The following CCR2 variants were observed in gnomAD, a reference collection of about 807,000 sequenced individuals.
The protein encoded by CCR2 is C-C chemokine receptor type 2.
For synonymous variants in CCR2, 183 were observed against 177.1 expected (o/e 1.03, Z -0.27); for missense variants, 408 against 440.0 (o/e 0.93, Z 0.65).
At chr3:46,356,934 A>G (rs1398971093) in intron 1 of CCR2, among the ~76,000 whole-genome samples, 1 of 145,074 alleles carries the variant, frequency 6.9e-6, no homozygotes, top group East Asian at 2.0e-4. Flanking sequence ...AAAAAAAAAA[A>G]GAAGGCAGAA....
In CCR2 at chr3:46,360,322, G is replaced by A. The variant is rs1701530118; in HGVS notation, c.*1712G>A. On this transcript the variant is annotated 3_prime_UTR_variant, in exon 2 of 2. Coordinates refer to ENST00000445132, the MANE Select transcript of CCR2 (RefSeq NM_001123396.4). ...GTGCATGCAGCATCTAAGTAATGAT[G>A]TCGTTTGAATCACAGTATACGCTCC... 5.8e-6 allele frequency: 1 copy of A among 172,492 alleles called. No individual in the cohort carries two copies. Among genetic ancestry groups the A allele is most frequent in the African/African-American group, 2.4e-5 (1 of 41,518 alleles). 10.7% of individuals were successfully genotyped at this position (172,492 alleles called of 1,614,324 possible).
rs200491743 is a variant in CCR2, at chr3:46,358,273, T to C, written c.746T>C (p.Met249Thr). ...GCAGTGAGAGTCATCTTCACCATCA[T>C]GATTGTTTACTTTCTCTTCTGGACT... Reference protein sequence around the residue: ...HRAVRVIFTIMIVYFLFWTPY... With the variant: ...HRAVRVIFTITIVYFLFWTPY... The change falls in exon 2 of 2, where the codon ATG (methionine) becomes ACG (threonine). Residue 249 changes from methionine (M) to threonine (T), a missense_variant. Transcript: ENST00000445132. The C allele has an allele frequency of 4.3e-6, 7 of 1,614,058 alleles. No homozygotes were observed. Among genetic ancestry groups the C allele is most frequent in the Non-Finnish European group, 5.1e-6 (6 of 1,180,024 alleles).
In CCR2 at chr3:46,358,113, C is replaced by T. The variant is rs1322904635; in HGVS notation, c.586C>T (p.Arg196Ter). 2.5e-6 allele frequency: 4 copies of T among 1,613,964 alleles called. No homozygotes were observed. The highest frequency in any genetic ancestry group is 1.7e-5 in the Admixed American group (1 of 59,990). ...SVYVCGPYFP[R>*]GWNNFHTIMR... ...TTATGTCTGTGGCCCTTATTTTCCA[C>T]GAGGATGGAATAATTTCCACACAAT... The change falls in exon 2 of 2, where the codon CGA becomes TGA. Residue 196 changes from arginine (R) to a stop codon, truncating the protein, a stop_gained. Transcript: ENST00000445132. LOFTEE classifies it low-confidence loss of function (END_TRUNC).
At position 46,357,974 on chromosome 3, in the gene CCR2, A is replaced by C; in HGVS notation, c.447A>C (p.Leu149Phe). Residue 149 changes from leucine (L) to phenylalanine (F), a missense_variant, in exon 2 of 2, where the codon TTA (leucine) becomes TTC (phenylalanine). Transcript: ENST00000445132. The stretch of plus-strand genomic sequence containing the variant: ...CTATTGTCCATGCTGTGTTTGCTTT[A>C]AAAGCCAGGACGGTCACCTTTGGGG... Reference protein sequence around the residue: ...YLAIVHAVFALKARTVTFGVV... With the variant: ...YLAIVHAVFAFKARTVTFGVV... 6.2e-7 allele frequency: 1 copy of C among 1,614,194 alleles called. No homozygotes were observed. The highest frequency in any genetic ancestry group is 8.5e-7 in the Non-Finnish European group (1 of 1,180,016).
Position 46,358,015 on chromosome 3 carries a change from T to A in CCR2, c.488T>A (p.Ile163Asn), listed in dbSNP as rs199838068. 1.2e-6 allele frequency: 2 copies of A among 1,614,126 alleles called. No homozygotes were observed. The highest frequency in any genetic ancestry group is 2.2e-5 in the East Asian group (1 of 44,902). ...ACCTTTGGGGTGGTGACAAGTGTGA[T>A]CACCTGGTTGGTGGCTGTGTTTGCT... ...TVTFGVVTSV[I>N]TWLVAVFASV... Residue 163 changes from isoleucine to asparagine, a missense_variant, in exon 2 of 2, where the codon ATC becomes AAC. By Grantham distance (149) the Ile-to-Asn change is moderately radical. Transcript: ENST00000445132.
At chr3:46,355,495 T>C (rs529722242) in intron 1 of CCR2, among the ~76,000 whole-genome samples, 1 of 152,292 alleles carries the variant, frequency 6.6e-6, no homozygotes, top group African/African-American at 2.4e-5. Flanking sequence ...CTGGACATTA[T>C]CTTTGAAGCC....
chr3:46,359,070 G>A lies in CCR2; in HGVS notation c.*460G>A. 4.9e-6 allele frequency: 5 copies of A among 1,013,084 alleles called. No individual in the cohort carries two copies. The highest frequency in any genetic ancestry group is 6.0e-6 in the Non-Finnish European group (5 of 837,588). The allele number at this position is 1,013,084 out of a possible 1,614,324, so 62.8% of individuals were successfully genotyped here. On this transcript the variant is annotated 3_prime_UTR_variant, in exon 2 of 2. Coordinates refer to ENST00000445132, the MANE Select transcript of CCR2 (RefSeq NM_001123396.4). ...TGAGCCTGGACAAAGACAAAGGTGAGCAAAGGGCTCACGCATTCAGCCAGG... is the reference window on the plus strand; with the variant it reads ...TGAGCCTGGACAAAGACAAAGGTGAACAAAGGGCTCACGCATTCAGCCAGG...
At chr3:46,356,874 T>C (rs1273349585) in intron 1 of CCR2, among the ~76,000 whole-genome samples, 5 of 148,304 alleles carry the variant, frequency 3.4e-5, no homozygotes, top group East Asian at 2.0e-4. Flanking sequence ...GCTGAGATCA[T>C]GGCCACTGCA....
rs772785853 is a variant in CCR2 at position 46,358,419 on chromosome 3, T to C, written c.892T>C (p.Cys298Arg). Residue 298 changes from cysteine (C) to arginine (R), a missense_variant, in exon 2 of 2, where the codon TGC becomes CGC. By Grantham distance (180) the Cys-to-Arg change is radical. Transcript: ENST00000445132. ...QVTETLGMTH[C>R]CINPIIYAFV... The stretch of plus-strand genomic sequence containing the variant: ...GACAGAGACTCTTGGGATGACTCAC[T>C]GCTGCATCAATCCCATCATCTATGC... The C allele has an allele frequency of 2.5e-6, 4 of 1,613,890 alleles. No homozygotes were observed. In the African/African-American group the frequency reaches 4.0e-5, roughly 16 times the overall value.
chr3:46,354,858 T>G lies in CCR2; in HGVS notation c.-52+681T>G, dbSNP rs748520338. On this transcript the variant is annotated intron_variant, in intron 1 of 1. Coordinates refer to ENST00000445132, the MANE Select transcript of CCR2 (RefSeq NM_001123396.4). ...TTCCAACTTTGATCAGAGGTCTTAT[T>G]TAGCTTCTCCAGATTTCAAGAATCT... 5 of 152,330 alleles carry G rather than the reference T, an allele frequency of 3.3e-5. No homozygotes were observed. The East Asian group carries it at 7.7e-4, about 23-fold the overall frequency. 9.4% of individuals were successfully genotyped at this position (152,330 alleles called of 1,614,324 possible).
chr3:46,358,139 A>C lies in CCR2; in HGVS notation c.612A>C (p.Ile204=). 1.2e-6 allele frequency: 2 copies of C among 1,614,108 alleles called. No individual in the cohort carries two copies. The highest frequency in any genetic ancestry group is 1.7e-6 in the Non-Finnish European group (2 of 1,179,994). The change falls in exon 2 of 2, where the codon ATA becomes ATC. Residue 204 remains isoleucine, a synonymous_variant. Coordinates refer to ENST00000445132, the MANE Select transcript of CCR2 (RefSeq NM_001123396.4). ...FPRGWNNFHT[I]MRNILGLVLP... is the part of the protein sequence containing the mutation. ...GAGGATGGAATAATTTCCACACAAT[A>C]ATGAGGAACATTTTGGGGCTGGTCC...
At position 46,359,284 on chromosome 3, in the gene CCR2, T is replaced by C. The variant is rs1327357533; in HGVS notation, c.*674T>C. 1 of 1,010,934 alleles carries C rather than the reference T, an allele frequency of 9.9e-7. No homozygotes were observed. Among genetic ancestry groups the C allele is most frequent in the Non-Finnish European group, 1.2e-6 (1 of 837,300 alleles). 62.6% of individuals were successfully genotyped at this position (1,010,934 alleles called of 1,614,324 possible). A position where few individuals can be genotyped will look rare whatever the true frequency, so the allele number is the denominator to read the frequency against. On this transcript the variant is annotated 3_prime_UTR_variant, in exon 2 of 2. Coordinates refer to ENST00000445132, the MANE Select transcript of CCR2 (RefSeq NM_001123396.4). ...TCTATGGCACCCATGCACCTTACAT[T>C]TGAAATCTATGAAATATCATGCTCC... is the stretch of plus-strand genomic sequence containing the variant.
chr3:46,359,340 C>G lies in CCR2; in HGVS notation c.*730C>G. On this transcript the variant is annotated 3_prime_UTR_variant, in exon 2 of 2. Coordinates refer to ENST00000445132, the MANE Select transcript of CCR2 (RefSeq NM_001123396.4). The stretch of plus-strand genomic sequence containing the variant: ...TCAGATGCTTCTTAGGCCACATCCC[C>G]CTGTCTAAAAATTCAGAAAATTTTT... 2.9e-6 allele frequency: 3 copies of G among 1,037,978 alleles called. No homozygotes were observed. Among genetic ancestry groups the G allele is most frequent in the Non-Finnish European group, 3.5e-6 (3 of 856,658 alleles). The allele number at this position is 1,037,978 out of a possible 1,614,324, so 64.3% of individuals were successfully genotyped here.
chr3:46,358,911 C>A lies in CCR2; in HGVS notation c.*301C>A. On this transcript the variant is annotated 3_prime_UTR_variant, in exon 2 of 2. Transcript: ENST00000445132. Reference sequence around the variant, plus strand: ...AGTCTTCATAATTTCTTCACTCAATCTCTGATTCTGTCAATGTCTTGAAAT... The same window carrying A: ...AGTCTTCATAATTTCTTCACTCAATATCTGATTCTGTCAATGTCTTGAAAT... 9.1e-7 allele frequency: 1 copy of A among 1,102,548 alleles called. No individual in the cohort carries two copies. The highest frequency in any genetic ancestry group is 1.1e-6 in the Non-Finnish European group (1 of 893,032). The allele number at this position is 1,102,548 out of a possible 1,614,324, so 68.3% of individuals were successfully genotyped here. A position where few individuals can be genotyped will look rare whatever the true frequency, so the allele number is the denominator to read the frequency against.
Position 46,358,304 on chromosome 3 carries a change from TA to T in CCR2, c.779del (p.Asn260IlefsTer6), listed in dbSNP as rs1701493386. On this transcript the variant is annotated frameshift_variant, in exon 2 of 2. Transcript: ENST00000445132. LOFTEE classifies it low-confidence loss of function (END_TRUNC). ...TTTACTTTCTCTTCTGGACTCCCTA[TA>T]ATATTGTCATTCTCCTGAACACCTT... is the stretch of plus-strand genomic sequence containing the variant. ...IVYFLFWTPY[N>X]IVILLNTFQE... The T allele has an allele frequency of 6.2e-7, 1 of 1,614,086 alleles. No individual in the cohort carries two copies. The highest frequency in any genetic ancestry group is 1.3e-5 in the African/African-American group (1 of 74,942).
Position 46,358,830 on chromosome 3 carries a change from A to G in CCR2, c.*220A>G. 1 of 1,314,930 alleles carries G rather than the reference A, an allele frequency of 7.6e-7. No individual in the cohort carries two copies. Among genetic ancestry groups the G allele is most frequent in the Non-Finnish European group, 9.8e-7 (1 of 1,024,114 alleles). The allele number at this position is 1,314,930 out of a possible 1,614,324, so 81.5% of individuals were successfully genotyped here. Reference sequence around the variant, plus strand: ...GGGTAGAGACTTTGACTCTCCAGAAAGCTCATCTCAGCTCCTGAAAAATGC... The same window carrying G: ...GGGTAGAGACTTTGACTCTCCAGAAGGCTCATCTCAGCTCCTGAAAAATGC... On this transcript the variant is annotated 3_prime_UTR_variant, in exon 2 of 2. Transcript: ENST00000445132.
Position 46,359,744 on chromosome 3 carries a change from G to T in CCR2, c.*1134G>T. The T allele has an allele frequency of 1.2e-6, 2 of 1,614,134 alleles. No homozygotes were observed. The highest frequency in any genetic ancestry group is 1.1e-5 in the South Asian group (1 of 91,086). On this transcript the variant is annotated 3_prime_UTR_variant, in exon 2 of 2. Transcript: ENST00000445132. ...AAAACCAGTGTGTGGAGGTCCAGGA[G>T]TGAGACCAGGAAAGAATGTGAAAGT...
Position 46,359,412 on chromosome 3 carries a change from C to T in CCR2, c.*802C>T, listed in dbSNP as rs951908256. 3 of 1,058,990 alleles carry T rather than the reference C, an allele frequency of 2.8e-6. No homozygotes were observed. Among genetic ancestry groups the T allele is most frequent in the Non-Finnish European group, 3.6e-6 (3 of 841,156 alleles). The allele number at this position is 1,058,990 out of a possible 1,614,324, so 65.6% of individuals were successfully genotyped here. A position where few individuals can be genotyped will look rare whatever the true frequency, so the allele number is the denominator to read the frequency against. The stretch of plus-strand genomic sequence containing the variant: ...TATGATATGCTAATATATGTATATG[C>T]AATATATATAGGCTCTTGCTTGATC... On this transcript the variant is annotated 3_prime_UTR_variant, in exon 2 of 2. Transcript: ENST00000445132.
chr3:46,354,479 C>A (rs952345734), intron 1 of CCR2, among the ~76,000 whole-genome samples: 15 of 152,106 alleles, frequency 9.9e-5, no homozygotes, highest in Non-Finnish European at 2.2e-4. Context: ...CTCTGAGCAC[C>A]CAAGGACGTT....
Sources: allele counts gnomAD v4.1 joint callset (sites outside exome capture counted in the v4.1 genomes callset), GRCh38; gene constraint gnomAD v4.1.1; transcripts MANE v1.5; gene names NCBI Gene and HGNC (gene_info 2026-07-23, HGNC 2026-07-21).